The following MYO16 variants were observed in gnomAD, a reference collection of about 807,000 sequenced individuals.
The protein encoded by MYO16 is unconventional myosin-XVI.
MYO16 carries 94 observed loss-of-function variants against 205.3 expected under a neutral mutation model. The observed-to-expected ratio is 0.46, with a 90% CI of 0.39 to 0.54. MYO16 has a LOEUF of 0.54. MYO16 is among the 20% of genes least tolerant of loss of function. MYO16 has a pLI of 0.00. For missense variants in MYO16, 2,315 were observed against 2,387.5 expected (o/e 0.97, Z 0.63); for synonymous variants, 988 against 954.0 (o/e 1.04, Z -0.66).
the MYO16 span, among the ~76,000 whole-genome samples, chr13:108,582,354 G>A: frequency 1.3e-5 from 2 of 152,140 alleles, no homozygotes; most frequent in South Asian, 2.1e-4. Context: ...TATGAGTTCA[G>A]TCCGTTCCAT....
At position 109,187,284 on chromosome 13, in the gene MYO16, C is replaced by T. The variant is rs151207897; in HGVS notation, c.5415+7651C>T. ...ATTTTGCTTATTGTGTTTTCTTGGT[C>T]GGTTTAGCTAGAAGTCTATCAATTC... On this transcript the variant is annotated intron_variant, in intron 34 of 34. Transcript: ENST00000457511. Among the ~76,000 whole-genome samples the T allele has an allele frequency of 4.5e-4, 69 of 152,150 alleles. 1 individual carries two copies. In the East Asian group the frequency reaches 0.013, roughly 29 times the overall value.
the MYO16 span, among the ~76,000 whole-genome samples, chr13:108,580,061 A>G: frequency 6.6e-6 from 1 of 152,354 alleles, no homozygotes; most frequent in East Asian, 1.9e-4. Context: ...ATACGTAATA[A>G]ATCAATGTTT....
chr13:109,163,403 G>C (rs535740138), intron 32 of MYO16, among the ~76,000 whole-genome samples: 2 of 152,242 alleles, frequency 1.3e-5, no homozygotes, highest in South Asian at 4.2e-4. Flanking sequence ...AGTTAAGAGG[G>C]ACCAAGTCAA....
At chr13:108,761,061 A>C (rs1287309147) in intron 4 of MYO16, among the ~76,000 whole-genome samples, 1 of 152,218 alleles carries the variant, frequency 6.6e-6, no homozygotes, top group Non-Finnish European at 1.5e-5. Flanking sequence ...CACATGCATC[A>C]CACACACCTT....
At chr13:108,978,289 G>A (rs1044551194) in intron 20 of MYO16, among the ~76,000 whole-genome samples, 7 of 151,868 alleles carry the variant, frequency 4.6e-5, no homozygotes, top group African/African-American at 1.7e-4. Context: ...GCATTGGCTA[G>A]CACTGCCAAT....
At chr13:109,126,384 C>T (rs1876251482) in intron 30 of MYO16, among the ~76,000 whole-genome samples, 1 of 152,114 alleles carries the variant, frequency 6.6e-6, no homozygotes, top group Non-Finnish European at 1.5e-5. Flanking sequence ...GGTGTTCTGC[C>T]ACAGAAAGAT....
chr13:108,552,389 A>G, the MYO16 span, among the ~76,000 whole-genome samples: 150 of 151,968 alleles, frequency 9.9e-4, no homozygotes, highest in African/African-American at 3.6e-3. Context: ...TTTTGTTGAA[A>G]CGTGTTTTAT....
intron 16 of MYO16, among the ~76,000 whole-genome samples, chr13:108,949,812 TAGAC>T (rs1202548354): frequency 6.6e-6 from 1 of 152,042 alleles, no homozygotes; most frequent in Non-Finnish European, 1.5e-5. Flanking sequence ...ATGGTATTGG[TAGAC>T]AGACAGACAC....
At chr13:108,747,452 G>A (rs1885101307) in intron 4 of MYO16, among the ~76,000 whole-genome samples, 1 of 152,082 alleles carries the variant, frequency 6.6e-6, no homozygotes, top group Admixed American at 6.6e-5. Context: ...AATTTATATA[G>A]TGTCATTTGA....
In MYO16 at chr13:108,910,137, T is replaced by G. The variant is rs758538074; in HGVS notation, c.1912T>G (p.Leu638Val). ...AAAATATGGACTTCATCTTAATAAT[T>G]TATGTGCACACCGGTGAGTGACTAA... ...EEKYGLHLNNLCAHRYLNQTI... is the reference protein window; with the variant it reads ...EEKYGLHLNNVCAHRYLNQTI... The change falls in exon 16 of 35, where the codon TTA (leucine) becomes GTA (valine). Residue 638 changes from leucine (L) to valine (V), a missense_variant. Physicochemically the swap from Leu to Val is conservative, Grantham distance 32 (BLOSUM62 1). Transcript: ENST00000457511. The G allele has an allele frequency of 6.8e-6, 11 of 1,612,884 alleles. No homozygotes were observed. Among genetic ancestry groups the G allele is most frequent in the Non-Finnish European group, 9.3e-6 (11 of 1,179,344 alleles).
At chr13:108,842,279 G>A (rs1877283346) in intron 9 of MYO16, among the ~76,000 whole-genome samples, 1 of 151,928 alleles carries the variant, frequency 6.6e-6, no homozygotes, top group Non-Finnish European at 1.5e-5. Flanking sequence ...AAATGAAAAA[G>A]TAGCATGTTG....
At chr13:109,075,126 A>G (rs576795262) in intron 27 of MYO16, among the ~76,000 whole-genome samples, 1 of 152,276 alleles carries the variant, frequency 6.6e-6, no homozygotes, top group Admixed American at 6.5e-5. Flanking sequence ...GTTTTGGGTT[A>G]TTACAAGTAG....
At chr13:108,778,393 T>C (rs747506335) in intron 4 of MYO16, among the ~76,000 whole-genome samples, 7 of 152,254 alleles carry the variant, frequency 4.6e-5, no homozygotes, top group Admixed American at 1.3e-4. Context: ...CCAAGGCAAG[T>C]GGATCACTTG....
chr13:108,650,695 T>C (rs918050758), intron 1 of MYO16, among the ~76,000 whole-genome samples: 5 of 152,222 alleles, frequency 3.3e-5, no homozygotes, highest in Non-Finnish European at 7.3e-5. Context: ...TCTGAGACTG[T>C]CTTAATTCCA....
chr13:109,093,665 C>G (rs571952477), intron 27 of MYO16, among the ~76,000 whole-genome samples: 2 of 152,274 alleles, frequency 1.3e-5, no homozygotes, highest in South Asian at 4.1e-4. Context: ...CTCTTCCTGT[C>G]GTAGCCACGT....
In MYO16 at chr13:109,002,136, T is replaced by G. The variant is rs12428607; in HGVS notation, c.2443-6761T>G. Among the ~76,000 whole-genome samples, 1,475 of 152,304 alleles carry G rather than the reference T, an allele frequency of 9.7e-3. 13 individuals are homozygous for G. Among genetic ancestry groups the G allele is most frequent in the South Asian group, 0.022 (108 of 4,816 alleles). The stretch of plus-strand genomic sequence containing the variant: ...GCACCCCACTCCAATTTAATTGGTT[T>G]GGGGTCAGGCCCAGACATTAGCCTT... On this transcript the variant is annotated intron_variant, in intron 21 of 34. Transcript: ENST00000457511.
the MYO16 span, among the ~76,000 whole-genome samples, chr13:108,516,320 C>T: frequency 1.3e-5 from 2 of 151,784 alleles, no homozygotes; most frequent in African/African-American, 2.4e-5. Flanking sequence ...GGCAATGCCT[C>T]GCCCTGCTTC....
At chr13:108,677,022 G>C (rs1390944074) in intron 2 of MYO16, among the ~76,000 whole-genome samples, 1 of 152,108 alleles carries the variant, frequency 6.6e-6, no homozygotes, top group Non-Finnish European at 1.5e-5. Context: ...ACTAAAATGT[G>C]TGTTATGCAA....
chr13:108,568,724 T>TTA, the MYO16 span, among the ~76,000 whole-genome samples: 58,750 of 151,214 alleles, frequency 0.39, 12,443 homozygotes, highest in East Asian at 0.55. Flanking sequence ...TATTATTATT[T>TTA]TTTGCTACTT....
Sources: gnomAD v4.1 joint callset for allele counts (sites outside exome capture counted in the v4.1 genomes callset) on GRCh38, gnomAD v4.1.1 for gene constraint, MANE v1.5 for transcripts, NCBI Gene and HGNC (gene_info 2026-07-23, HGNC 2026-07-21) for gene names.